DDX11: variants seen among roughly 807,000 people sequenced by gnomAD.
DDX11 encodes DEAD/H-box helicase 11, also known as ATP-dependent DNA helicase DDX11.
In DDX11, 72 loss-of-function variants were observed where a neutral mutation model predicts 125.2. The observed-to-expected ratio is 0.58, with a 90% CI of 0.48 to 0.70. The LOEUF (loss-of-function observed/expected upper bound fraction) is 0.70. Among genes scored for constraint, DDX11 ranks in the 30% least tolerant of loss-of-function variants. The probability of loss-of-function intolerance (pLI) is 0.00; values close to 1 mark genes in which losing one functional copy is unlikely to be tolerated. For missense variants in DDX11, 883 were observed against 1,165.0 expected, an observed-to-expected ratio of 0.76 and a Z score of 3.52; for synonymous variants, 347 against 452.6, an observed-to-expected ratio of 0.77 and a Z score of 2.96.
intron 2 of DDX11, 126 bp downstream of exon 2, chr12:31,078,663 G>C: frequency 1.5e-6 from 2 of 1,301,320 alleles, no homozygotes; most frequent in Non-Finnish European, 1.1e-6. Flanking sequence ...GTTTATCTGA[G>C]TAATAGTCAC....
chr12:31,090,239 G>A lies in DDX11; in HGVS notation c.1089+145G>A, dbSNP rs60152219. 1,871 of 842,240 alleles carry A rather than the reference G, an allele frequency of 2.2e-3. 32 individuals carry two copies. In the African/African-American group the frequency reaches 0.029, roughly 13 times the overall value. 52.2% of individuals were successfully genotyped at this position (842,240 alleles called of 1,614,324 possible). A position where few individuals can be genotyped will look rare whatever the true frequency, so the allele number is the denominator to read the frequency against. ...ACCTTAACCCATTCTCTCCTGATGT[G>A]TGAGTTGGAGGAGGCGCGTGGGATC... On this transcript the variant is annotated intron_variant, in intron 9 of 26. Coordinates refer to ENST00000542838, the MANE Select transcript of DDX11 (RefSeq NM_030653.4).
chr12:31,093,224 T>G (rs745904137), intron 11 of DDX11, 21 bp from the exon 12 acceptor site: 1 of 1,607,448 alleles, frequency 6.2e-7, no homozygotes. Flanking sequence ...CACCACTTAA[T>G]GTCCGTTGGC....
chr12:31,084,195 C>A (rs948185469), intron 3 of DDX11, 134 bp downstream of exon 3: 1 of 1,250,116 alleles, frequency 8.0e-7, no homozygotes, highest in African/African-American at 1.5e-5. Context: ...TCCCTCAGCT[C>A]CTTGGGTCTA....
At chr12:31,075,789 C>T (rs1035519963) in intron 1 of DDX11, among the ~76,000 whole-genome samples, 2 of 152,166 alleles carry the variant, frequency 1.3e-5, no homozygotes, top group African/African-American at 4.8e-5. Flanking sequence ...GACAAGGTTC[C>T]TCTATTTATG....
intron 2 of DDX11, 110 bp from the exon 3 acceptor site, chr12:31,083,703 C>T (rs1260759791): frequency 8.8e-6 from 12 of 1,360,424 alleles, no homozygotes; most frequent in Admixed American, 5.2e-5. Context: ...TTAGAGCATC[C>T]TCTCCTATGT....
Position 31,085,099 on chromosome 12 carries a change from G to A in DDX11, c.611G>A (p.Ser204Asn), listed in dbSNP as rs567905186. ...GAGCTGGTCCTCGCCGAATACGAGA[G>A]TGATGAGGAGAAAAAGGTGGCGAGC... ...EEELVLAEYE[S>N]DEEKKVASRV... Residue 204 changes from serine to asparagine, a missense_variant, in exon 5 of 27, where the codon AGT (serine) becomes AAT (asparagine). Ser to Asn is a conservative substitution (Grantham distance 46, BLOSUM62 1). Around this residue, in one of 5 missense-constraint regions of DDX11, gnomAD observed 283 missense variants for 359.6 expected, o/e 0.79. Transcript: ENST00000542838. The A allele has an allele frequency of 7.8e-4, 1,236 of 1,578,128 alleles. 24 individuals are homozygous for A. In the South Asian group the frequency reaches 0.013, roughly 17 times the overall value.
At chr12:31,100,018 C>T (rs1946100394) in intron 18 of DDX11, among the ~76,000 whole-genome samples, 1 of 152,132 alleles carries the variant, frequency 6.6e-6, no homozygotes, top group Non-Finnish European at 1.5e-5. Context: ...CTCTGTTGGA[C>T]AGATGTAGGG....
chr12:31,101,660 G>T, intron 20 of DDX11, 173 bp from the exon 21 acceptor site: 2 of 745,436 alleles, frequency 2.7e-6, no homozygotes, highest in Non-Finnish European at 2.3e-6. Flanking sequence ...TTTGGTGGGA[G>T]GTGGCACCTA....
chr12:31,099,630 C>T (rs1946034829), intron 18 of DDX11, among the ~76,000 whole-genome samples: 1 of 151,362 alleles, frequency 6.6e-6, no homozygotes, highest in African/African-American at 2.4e-5. Flanking sequence ...TCTAAAGTCA[C>T]GTGGAACCAG....
intron 14 of DDX11, among the ~76,000 whole-genome samples, chr12:31,095,475 G>C (rs71455620): frequency 0.072 from 11,011 of 152,248 alleles, 485 homozygotes; most frequent in Non-Finnish European, 0.11. Flanking sequence ...CAGAGACAGC[G>C]TCCAAACCTG....
chr12:31,091,962 C>T (rs1944321991), intron 10 of DDX11, 91 bp downstream of exon 10: 24 of 1,572,148 alleles, frequency 1.5e-5, no homozygotes, highest in Admixed American at 1.2e-4. Context: ...AGAGTTCCTC[C>T]GGAGGTGGGG....
Position 31,094,768 on chromosome 12 carries a change from G to C in DDX11, c.1428G>C (p.Lys476Asn). 1.9e-6 allele frequency: 3 copies of C among 1,613,188 alleles called. No homozygotes were observed. The highest frequency in any genetic ancestry group is 2.5e-6 in the Non-Finnish European group (3 of 1,179,192). ...GTTTGTTCTCAGGGACGGAGCTGAA[G>C]ACCATCAACGACTTTCTCTTCCAGA... is the stretch of plus-strand genomic sequence containing the variant. ...QSLSQTGTEL[K>N]TINDFLFQSQ... The change falls in exon 14 of 27, where the codon AAG becomes AAC. Residue 476 changes from lysine (K) to asparagine (N), a missense_variant. Physicochemically the swap from Lys to Asn is moderately conservative, Grantham distance 94. This residue lies in a region of DDX11 where 241 missense variants were observed against 279.7 expected (regional missense o/e 0.86). Coordinates refer to ENST00000542838, the MANE Select transcript of DDX11 (RefSeq NM_030653.4).
chr12:31,085,570 C>T (rs571942925), intron 5 of DDX11, among the ~76,000 whole-genome samples: 1 of 152,300 alleles, frequency 6.6e-6, no homozygotes, highest in African/African-American at 2.4e-5. Context: ...TTCCTTCTCC[C>T]ATAAAGCCTC....
In DDX11 at chr12:31,093,173, G is replaced by C. The variant is rs1379430381; in HGVS notation, c.1290-72G>C. The C allele has an allele frequency of 3.8e-5, 56 of 1,482,324 alleles. No individual in the cohort carries two copies. The South Asian group carries it at 6.6e-4, about 17-fold the overall frequency. 91.8% of individuals were successfully genotyped at this position (1,482,324 alleles called of 1,614,324 possible). The stretch of plus-strand genomic sequence containing the variant: ...AGTTTGAGAGGCACCGGGCAGCAAG[G>C]CTTCCACTGGGGTGGGCGGGGCGAG... On this transcript the variant is annotated intron_variant, in intron 11 of 26. Coordinates refer to ENST00000542838, the MANE Select transcript of DDX11 (RefSeq NM_030653.4).
At chr12:31,081,844 G>A (rs1457486561) in intron 2 of DDX11, among the ~76,000 whole-genome samples, 3 of 106,560 alleles carry the variant, frequency 2.8e-5, no homozygotes, top group South Asian at 3.2e-4. Context: ...CTGTTGTGCC[G>A]GAGTATACCA....
In DDX11 at chr12:31,091,849, G is replaced by A. The variant is rs1411087619; in HGVS notation, c.1220G>A (p.Ser407Asn). ...NLIDTITGMH[S>N]VEVSGSQLCQ... ...ATCGACACCATCACGGGCATGCACAGCGTGGAGGTCAGCGGCTCCCAGGTG... is the reference window on the plus strand; with the variant it reads ...ATCGACACCATCACGGGCATGCACAACGTGGAGGTCAGCGGCTCCCAGGTG... The change falls in exon 10 of 27, where the codon AGC becomes AAC. Residue 407 changes from serine (S) to asparagine (N), a missense_variant. This residue lies in a region of DDX11 where 241 missense variants were observed against 279.7 expected (regional missense o/e 0.86). Coordinates refer to ENST00000542838, the MANE Select transcript of DDX11 (RefSeq NM_030653.4). The A allele has an allele frequency of 1.9e-6, 3 of 1,613,816 alleles. No individual in the cohort carries two copies. The highest frequency in any genetic ancestry group is 1.1e-5 in the South Asian group (1 of 91,080).
rs1236986232 is a variant in DDX11, at chr12:31,085,121, G to C, written c.633G>C (p.Ala211=). ...EYESDEEKKV[A]SRVDEDEDDL... The stretch of plus-strand genomic sequence containing the variant: ...AGAGTGATGAGGAGAAAAAGGTGGC[G>C]AGCAGGTGAGACAGAGGCGGTAGCA... Residue 211 remains alanine, a synonymous_variant, in exon 5 of 27, where the codon GCG becomes GCC. Coordinates refer to ENST00000542838, the MANE Select transcript of DDX11 (RefSeq NM_030653.4). 6.4e-7 allele frequency: 1 copy of C among 1,560,976 alleles called. No individual in the cohort carries two copies. The highest frequency in any genetic ancestry group is 8.7e-7 in the Non-Finnish European group (1 of 1,152,478).
chr12:31,097,450 G>C lies in DDX11; in HGVS notation c.1763-435G>C, dbSNP rs530389703. ...ATCCCAGCACTTTGGGAGGCTGAGG[G>C]GGGGCGGATCGTGAGTTCAGGAGAT... On this transcript the variant is annotated intron_variant, in intron 17 of 26. Coordinates refer to ENST00000542838, the MANE Select transcript of DDX11 (RefSeq NM_030653.4). 2.5e-4 allele frequency among the ~76,000 whole-genome samples: 38 copies of C among 150,442 alleles called. 1 individual carries two copies. The highest frequency in any genetic ancestry group is 6.6e-4 in the Admixed American group (10 of 15,126).
Position 31,102,482 on chromosome 12 carries a change from G to C in DDX11, c.2327G>C (p.Gly776Ala), listed in dbSNP as rs768300948. 6.2e-7 allele frequency: 1 copy of C among 1,614,058 alleles called. No individual in the cohort carries two copies. Among genetic ancestry groups the C allele is most frequent in the South Asian group, 1.1e-5 (1 of 91,078 alleles). ...GGGGCCCTGCTCCTCTCTGTGGTTG[G>C]AGGAAAGATGAGTGAAGGGATCAAC... ...VTGALLLSVVGGKMSEGINFS... is the reference protein window; with the variant it reads ...VTGALLLSVVAGKMSEGINFS... Residue 776 changes from glycine to alanine, a missense_variant, in exon 23 of 27, where the codon GGA becomes GCA. Physicochemically the swap from Gly to Ala is moderately conservative, Grantham distance 60 (BLOSUM62 0). Coordinates refer to ENST00000542838, the MANE Select transcript of DDX11 (RefSeq NM_030653.4).
Sources: allele counts gnomAD v4.1 joint callset (sites outside exome capture counted in the v4.1 genomes callset), GRCh38; gene constraint gnomAD v4.1.1; regional missense constraint gnomAD v4.1.1; transcripts MANE v1.5; gene names NCBI Gene and HGNC (gene_info 2026-07-23, HGNC 2026-07-21).